The following SGO1 variants were observed in gnomAD, a reference collection of about 807,000 sequenced individuals.
SGO1 encodes shugoshin 1, also known as serologically defined breast cancer antigen NY-BR-85.
A neutral mutation model predicts 50.5 loss-of-function variants in SGO1; 39 were observed. The ratio of observed to expected loss-of-function variants is 0.77; its 90% CI spans 0.60 to 1.01. SGO1 has a LOEUF of 1.01. SGO1 is among the 50% of genes least tolerant of loss of function. SGO1 has a pLI of 0.00. For synonymous variants in SGO1, 191 were observed against 205.1 expected (o/e 0.93, Z 0.59); for missense variants, 638 against 606.0 (o/e 1.05, Z -0.55).
chr3:20,181,489 C>T (rs1702013559), intron 3 of SGO1, among the ~76,000 whole-genome samples: 1 of 152,168 alleles, frequency 6.6e-6, no homozygotes, highest in South Asian at 2.1e-4. Flanking sequence ...GCAATTAGTA[C>T]ATAGCAGAAA....
chr3:20,173,372 T>C (rs28655370), intron 6 of SGO1, among the ~76,000 whole-genome samples: 1 of 152,048 alleles, frequency 6.6e-6, no homozygotes, highest in Non-Finnish European at 1.5e-5. Context: ...ACTCCTGACC[T>C]CAGGTGATCC....
In SGO1 at chr3:20,174,506, C is replaced by T; in HGVS notation, c.1025G>A (p.Gly342Asp). ...TTGTCGGAAAGGAGTAAGATGAACA[C>T]CCTCTTCCAAATTAAAATTGTAAGC... ...NDAYNFNLEE[G>D]VHLTPFRQKV... is the part of the protein sequence containing the mutation. The change falls in exon 6 of 8, where the codon GGT becomes GAT. Residue 342 changes from glycine to aspartate, a missense_variant. By Grantham distance (94) the Gly-to-Asp change is moderately conservative (BLOSUM62 -1). Coordinates refer to ENST00000412997, the MANE Select transcript of SGO1 (RefSeq NM_001199251.3). 2 of 1,614,082 alleles carry T rather than the reference C, an allele frequency of 1.2e-6. No homozygotes were observed. The highest frequency in any genetic ancestry group is 1.3e-5 in the African/African-American group (1 of 75,014).
chr3:20,163,575 T>A (rs1247471966), intron 8 of SGO1, among the ~76,000 whole-genome samples: 1 of 152,210 alleles, frequency 6.6e-6, no homozygotes, highest in Non-Finnish European at 1.5e-5. Flanking sequence ...AGTACTACTA[T>A]AACAGAATGC....
Position 20,170,634 on chromosome 3 carries a change from T to C in SGO1, c.*70A>G. ...GCAATGGCTCACTCTGTTTGTGTACTCTTACAGATCCTCTCCTGAAGCAAC... is the reference window on the plus strand; with the variant it reads ...GCAATGGCTCACTCTGTTTGTGTACCCTTACAGATCCTCTCCTGAAGCAAC... On this transcript the variant is annotated 3_prime_UTR_variant, in exon 8 of 8. Coordinates refer to ENST00000412997, the MANE Select transcript of SGO1 (RefSeq NM_001199251.3). The C allele has an allele frequency of 6.9e-7, 1 of 1,456,674 alleles. No individual in the cohort carries two copies. The highest frequency in any genetic ancestry group is 1.5e-5 in the African/African-American group (1 of 68,820). 90.2% of individuals were successfully genotyped at this position (1,456,674 alleles called of 1,614,324 possible). A position where few individuals can be genotyped will look rare whatever the true frequency, so the allele number is the denominator to read the frequency against.
At chr3:20,171,933 G>A (rs1700789248) in intron 6 of SGO1, among the ~76,000 whole-genome samples, 1 of 152,148 alleles carries the variant, frequency 6.6e-6, no homozygotes, top group South Asian at 2.1e-4. Flanking sequence ...TAAAGACACT[G>A]CAAAACAATC....
chr3:20,173,386 C>T (rs1700999263), intron 6 of SGO1, among the ~76,000 whole-genome samples: 1 of 152,056 alleles, frequency 6.6e-6, no homozygotes, highest in Admixed American at 6.5e-5. Flanking sequence ...GTGATCCGCC[C>T]ACCTCAGCCT....
At chr3:20,179,824 G>A (rs1701809197) in intron 3 of SGO1, among the ~76,000 whole-genome samples, 2 of 152,172 alleles carry the variant, frequency 1.3e-5, no homozygotes, top group East Asian at 1.9e-4. Flanking sequence ...AAGCAGGGGA[G>A]CATGATATCA....
At chr3:20,185,780 T>C (rs1391269350) in intron 1 of SGO1, among the ~76,000 whole-genome samples, 168 bp downstream of exon 1, 4 of 152,170 alleles carry the variant, frequency 2.6e-5, no homozygotes, top group African/African-American at 9.7e-5. Flanking sequence ...AGTAGGAAAT[T>C]AGGGTCTCCA....
At chr3:20,184,403 T>C (rs1306954715) in intron 1 of SGO1, among the ~76,000 whole-genome samples, 2 of 152,212 alleles carry the variant, frequency 1.3e-5, no homozygotes, top group Non-Finnish European at 2.9e-5. Context: ...ATAGAAAATG[T>C]TTAGGACCAA....
intron 6 of SGO1, among the ~76,000 whole-genome samples, chr3:20,173,414 AC>A (rs1454151709): frequency 6.6e-6 from 1 of 152,184 alleles, no homozygotes; most frequent in Non-Finnish European, 1.5e-5. Context: ...TGCTGGGATT[AC>A]AGGCGTGAGC....
rs1469810643 is a variant in SGO1, at chr3:20,169,580, A to C, written c.*1124T>G. On this transcript the variant is annotated 3_prime_UTR_variant, in exon 8 of 8. Transcript: ENST00000412997. ...ACAAGTATAGACATCAAACTTTCTAAACTGAACTAATTCGCTTTCATTGGT... is the reference window on the plus strand; with the variant it reads ...ACAAGTATAGACATCAAACTTTCTACACTGAACTAATTCGCTTTCATTGGT... 4 of 985,206 alleles carry C rather than the reference A, an allele frequency of 4.1e-6. No individual in the cohort carries two copies. Among genetic ancestry groups the C allele is most frequent in the Non-Finnish European group, 4.8e-6 (4 of 829,828 alleles). The allele number at this position is 985,206 out of a possible 1,614,324, so 61.0% of individuals were successfully genotyped here. A position where few individuals can be genotyped will look rare whatever the true frequency, so the allele number is the denominator to read the frequency against.
At chr3:20,181,584 G>A (rs1185379415) in intron 3 of SGO1, among the ~76,000 whole-genome samples, 1 of 152,174 alleles carries the variant, frequency 6.6e-6, no homozygotes, top group Non-Finnish European at 1.5e-5. Flanking sequence ...AAACTATTGA[G>A]CTGCAGTAAT....
At chr3:20,184,567 C>T (rs567877084) in intron 1 of SGO1, among the ~76,000 whole-genome samples, 77 of 152,276 alleles carry the variant, frequency 5.1e-4, no homozygotes, top group African/African-American at 1.8e-3. Flanking sequence ...GATATGCACA[C>T]AGTCTCAAGA....
intron 1 of SGO1, among the ~76,000 whole-genome samples, chr3:20,185,402 C>A (rs1702526042): frequency 1.3e-5 from 2 of 152,084 alleles, no homozygotes; most frequent in African/African-American, 4.8e-5. Flanking sequence ...CTAAATAAGG[C>A]GATGGTTATT....
downstream of SGO1, among the ~76,000 whole-genome samples, chr3:20,167,989 C>T (rs914378956): frequency 3.3e-5 from 5 of 152,144 alleles, no homozygotes; most frequent in African/African-American, 1.2e-4. Flanking sequence ...TGAAAATAAT[C>T]TACATCTGCC....
At chr3:20,178,195 A>G (rs1701614766) in intron 4 of SGO1, 76 bp downstream of exon 4, 2 of 1,046,388 alleles carry the variant, frequency 1.9e-6, no homozygotes, top group Non-Finnish European at 3.0e-6. Context: ...CATGATGCAC[A>G]TTTCCTTTCA....
Position 20,178,276 on chromosome 3 carries a change from A to G in SGO1, c.411T>C (p.Asp137=), listed in dbSNP as rs1701621947. 1 of 1,606,028 alleles carries G rather than the reference A, an allele frequency of 6.2e-7. No homozygotes were observed. Among genetic ancestry groups the G allele is most frequent in the South Asian group, 1.1e-5 (1 of 90,872 alleles). The part of the protein sequence containing the change: ...DDSSRNLFVK[D]LPQIPLEETE... The stretch of plus-strand genomic sequence containing the variant: ...ATAAAGAATTTGATACTAACGGTAA[A>G]TCCTTCACAAATAAATTTCTGGAGC... Residue 137 remains aspartate (D), a synonymous_variant, in exon 4 of 8, where the codon GAT becomes GAC. Coordinates refer to ENST00000412997, the MANE Select transcript of SGO1 (RefSeq NM_001199251.3).
chr3:20,172,880 C>G (rs1700923933), intron 6 of SGO1, among the ~76,000 whole-genome samples: 1 of 150,992 alleles, frequency 6.6e-6, no homozygotes, highest in South Asian at 2.1e-4. Flanking sequence ...GTGGAAGAAT[C>G]ACTTGAGCCT....
At chr3:20,162,066 C>T (rs1700067483) in intron 8 of SGO1, among the ~76,000 whole-genome samples, 1 of 152,128 alleles carries the variant, frequency 6.6e-6, no homozygotes. Flanking sequence ...AAGAGACAGA[C>T]TGAAGTTTGG....
Sources: allele counts gnomAD v4.1 joint callset (sites outside exome capture counted in the v4.1 genomes callset), GRCh38; gene constraint gnomAD v4.1.1; transcripts MANE v1.5; gene names NCBI Gene and HGNC (gene_info 2026-07-23, HGNC 2026-07-21).